The following MIPOL1 variants were observed in gnomAD, a reference collection of about 807,000 sequenced individuals.
The protein encoded by MIPOL1 is mirror-image polydactyly 1, also known as mirror-image polydactyly gene 1 protein.
In MIPOL1, 57 loss-of-function variants were observed where a neutral mutation model predicts 60.9. The observed-to-expected ratio is 0.94, with a 90% CI of 0.76 to 1.17. The LOEUF is 1.17. Ranked by LOEUF, MIPOL1 falls within the 50% of genes most tolerant of loss-of-function variation. The pLI is 0.00. For synonymous variants in MIPOL1, 179 were observed against 168.8 expected (o/e 1.06, Z -0.47); for missense variants, 551 against 511.6 (o/e 1.08, Z -0.74).
chr14:37,228,399 T>C (rs1184923072), intron 1 of MIPOL1, among the ~76,000 whole-genome samples: 1 of 151,312 alleles, frequency 6.6e-6, no homozygotes, highest in African/African-American at 2.4e-5. Context: ...TTGCAGTTCA[T>C]TGTCTTAAGG....
chr14:37,262,939 C>T (rs1039698680), intron 3 of MIPOL1, among the ~76,000 whole-genome samples: 75 of 152,280 alleles, frequency 4.9e-4, no homozygotes, highest in Admixed American at 1.1e-3. Context: ...AACAGAATTT[C>T]CCAGCCTCTG....
chr14:37,342,396 A>G (rs2090632887), intron 9 of MIPOL1, among the ~76,000 whole-genome samples: 1 of 151,408 alleles, frequency 6.6e-6, no homozygotes, highest in Admixed American at 6.6e-5. Flanking sequence ...TCTGAAATAC[A>G]TGCAAATCAC....
intron 12 of MIPOL1, among the ~76,000 whole-genome samples, chr14:37,538,936 C>T (rs559120360): frequency 8.5e-5 from 13 of 152,332 alleles, no homozygotes; most frequent in African/African-American, 2.9e-4. Flanking sequence ...GACGCGGTGG[C>T]TCACACCTGT....
intron 1 of MIPOL1, among the ~76,000 whole-genome samples, chr14:37,246,442 A>G (rs1480544007): frequency 6.6e-6 from 1 of 152,076 alleles, no homozygotes; most frequent in African/African-American, 2.4e-5. Context: ...TCAAATTGGT[A>G]TATTGGTTAT....
At chr14:37,323,614 A>G (rs2088839678) in intron 9 of MIPOL1, among the ~76,000 whole-genome samples, 1 of 152,032 alleles carries the variant, frequency 6.6e-6, no homozygotes, top group Admixed American at 6.6e-5. Flanking sequence ...TTGATTTCAG[A>G]TAAAATTTAC....
intron 12 of MIPOL1, among the ~76,000 whole-genome samples, chr14:37,509,695 T>C: frequency 1.6e-5 from 1 of 61,166 alleles, no homozygotes; most frequent in Admixed American, 1.7e-4. Flanking sequence ...TACTTATAGG[T>C]GATATATATG....
intron 1 of MIPOL1, among the ~76,000 whole-genome samples, chr14:37,244,346 C>T (rs745778630): frequency 3.3e-5 from 5 of 151,666 alleles, no homozygotes; most frequent in Admixed American, 6.6e-5. Flanking sequence ...TGGTCTTGAT[C>T]GCCTGACCTT....
chr14:37,486,720 G>A lies in MIPOL1; in HGVS notation c.1032-13188G>A, dbSNP rs552338049. Among the ~76,000 whole-genome samples, 45 of 152,212 alleles carry A rather than the reference G, an allele frequency of 3.0e-4. 1 individual carries two copies. In the South Asian group the frequency reaches 3.9e-3, roughly 13 times the overall value. On this transcript the variant is annotated intron_variant, in intron 11 of 12. Transcript: ENST00000684589. ...TGAAGTTGCTTATCAGCTTAAGGAG[G>A]TTTTGGGCTGAGACGATGGGGTTTT...
At chr14:37,448,255 G>A (rs2094366821) in intron 11 of MIPOL1, among the ~76,000 whole-genome samples, 1 of 152,164 alleles carries the variant, frequency 6.6e-6, no homozygotes, top group African/African-American at 2.4e-5. Context: ...CTGCACTATA[G>A]CACTAGCAGC....
In MIPOL1 at chr14:37,545,360, A is replaced by C. The variant is rs189304511; in HGVS notation, c.1263-1545A>C. 9.3e-4 allele frequency among the ~76,000 whole-genome samples: 142 copies of C among 152,336 alleles called. 1 individual carries two copies. The highest frequency in any genetic ancestry group is 8.6e-3 in the Admixed American group (132 of 15,298). ...CTTAAAGGATTCATGTAGTGCTATG[A>C]GTCATAATATTCAGAGTGTGTAAGT... On this transcript the variant is annotated intron_variant, in intron 12 of 12. Transcript: ENST00000684589.
chr14:37,522,415 G>T (rs529979695), intron 12 of MIPOL1, among the ~76,000 whole-genome samples: 13 of 152,246 alleles, frequency 8.5e-5, no homozygotes, highest in South Asian at 2.1e-4. Context: ...TAATTTGTTT[G>T]TGTTAGTGGA....
intron 11 of MIPOL1, among the ~76,000 whole-genome samples, chr14:37,427,455 A>G (rs1210104774): frequency 1.3e-5 from 2 of 152,170 alleles, no homozygotes; most frequent in Non-Finnish European, 2.9e-5. Context: ...TATGATTTAC[A>G]TAGAGTGGGA....
chr14:37,392,006 G>C (rs1424662097), intron 10 of MIPOL1, among the ~76,000 whole-genome samples: 2 of 151,924 alleles, frequency 1.3e-5, no homozygotes, highest in Non-Finnish European at 1.5e-5. Flanking sequence ...CCTGAAAAAA[G>C]AATAATTTAT....
At chr14:37,449,605 A>G (rs1041670152) in intron 11 of MIPOL1, among the ~76,000 whole-genome samples, 2 of 152,206 alleles carry the variant, frequency 1.3e-5, no homozygotes, top group South Asian at 2.1e-4. Context: ...TATGGCTCCT[A>G]TCCTTTTGAT....
intron 9 of MIPOL1, among the ~76,000 whole-genome samples, chr14:37,345,015 CA>C (rs11303363): frequency 0.88 from 112,963 of 128,696 alleles, 49,999 homozygotes; most frequent in East Asian, 0.98. Context: ...AGACTCTTAT[CA>C]AAAAAAAAAA....
intron 11 of MIPOL1, among the ~76,000 whole-genome samples, chr14:37,430,515 A>ATTTTG (rs765408771): frequency 6.7e-6 from 1 of 149,320 alleles, no homozygotes; most frequent in Non-Finnish European, 1.5e-5. Context: ...TTTTTTTTAA[A>ATTTTG]AAAAAGTATA....
At chr14:37,338,097 TATTTA>T (rs1174569802) in intron 9 of MIPOL1, among the ~76,000 whole-genome samples, 11 of 129,258 alleles carry the variant, frequency 8.5e-5, no homozygotes, top group African/African-American at 3.1e-4. Context: ...GCTTTATTTT[TATTTA>T]ATTTAATTTT....
At chr14:37,278,542 T>C (rs965088002) in intron 6 of MIPOL1, 2 of 151,822 alleles carry the variant, frequency 1.3e-5, no homozygotes, top group Admixed American at 6.6e-5. Flanking sequence ...CTTAGAATTT[T>C]CCAACATGAA....
At chr14:37,380,334 G>A (rs2092892571) in intron 10 of MIPOL1, among the ~76,000 whole-genome samples, 1 of 152,094 alleles carries the variant, frequency 6.6e-6, no homozygotes, top group South Asian at 2.1e-4. Flanking sequence ...TTACAAGCAA[G>A]ACTCTCAGCT....
Sources: gnomAD v4.1 joint callset for allele counts (sites outside exome capture counted in the v4.1 genomes callset) on GRCh38, gnomAD v4.1.1 for gene constraint, MANE v1.5 for transcripts, NCBI Gene and HGNC (gene_info 2026-07-23, HGNC 2026-07-21) for gene names.